FAM200B: variants seen among roughly 807,000 people sequenced by gnomAD.
FAM200B encodes protein FAM200B.
FAM200B carries 32 observed loss-of-function variants against 33.1 expected under a neutral mutation model. The ratio of observed to expected loss-of-function variants is 0.97; its 90% CI spans 0.73 to 1.30. The LOEUF (loss-of-function observed/expected upper bound fraction) is 1.30, where lower values mean the gene tolerates loss of function less well. Among genes scored for constraint, FAM200B ranks in the 50% most tolerant of loss-of-function variants. The pLI is 0.00. For synonymous variants in FAM200B, 240 were observed against 264.8 expected, an observed-to-expected ratio of 0.91 and a Z score of 0.91; for missense variants, 741 against 754.0, an observed-to-expected ratio of 0.98 and a Z score of 0.20.
chr4:15,681,463 G>A (rs529014701), upstream of FAM200B: 7 of 168,676 alleles, frequency 4.1e-5, no homozygotes, highest in South Asian at 1.2e-3. Flanking sequence ...TCGCTCCCAT[G>A]GCTCTGGGAC....
At chr4:15,669,559 T>C in the FAM200B span, among the ~76,000 whole-genome samples, 3 of 152,072 alleles carry the variant, frequency 2.0e-5, no homozygotes, top group Non-Finnish European at 4.4e-5. Flanking sequence ...TGATAAAAAA[T>C]TTCAAACAAA....
Position 15,690,095 on chromosome 4 carries a change from G to A in FAM200B, c.*1144G>A, listed in dbSNP as rs1719260232. 6.0e-6 allele frequency: 1 copy of A among 166,886 alleles called. No homozygotes were observed. The highest frequency in any genetic ancestry group is 6.5e-5 in the Admixed American group (1 of 15,272). The allele number at this position is 166,886 out of a possible 1,614,324, so 10.3% of individuals were successfully genotyped here. A position where few individuals can be genotyped will look rare whatever the true frequency, so the allele number is the denominator to read the frequency against. ...TCCCAAGAGTAATTATTAAATATGT[G>A]GCAAATTTCTTTGCCTTTTTACTTT... is the stretch of plus-strand genomic sequence containing the variant. On this transcript the variant is annotated 3_prime_UTR_variant, in exon 2 of 2. Transcript: ENST00000422728.
At chr4:15,682,533 C>T (rs1342165826) in intron 1 of FAM200B, among the ~76,000 whole-genome samples, 1 of 152,336 alleles carries the variant, frequency 6.6e-6, no homozygotes, top group East Asian at 1.9e-4. Context: ...TTTATGCAAT[C>T]TGTAATGTGT....
At chr4:15,640,797 C>A in the FAM200B span, 1 of 1,536,534 alleles carries the variant, frequency 6.5e-7, no homozygotes, top group African/African-American at 1.4e-5. Flanking sequence ...CCTCCTCTTC[C>A]TCTTTCATGT....
chr4:15,655,443 C>T, the FAM200B span: 1 of 976,234 alleles, frequency 1.0e-6, no homozygotes, highest in Non-Finnish European at 1.2e-6. Flanking sequence ...CGGGGGCGCG[C>T]AGGCCGCCGC....
In FAM200B at chr4:15,689,867, G is replaced by A. The variant is rs542434733; in HGVS notation, c.*916G>A. The A allele has an allele frequency of 7.3e-6, 1 of 137,642 alleles. No individual in the cohort carries two copies. Among genetic ancestry groups the A allele is most frequent in the South Asian group, 2.4e-4 (1 of 4,216 alleles). 8.5% of individuals were successfully genotyped at this position (137,642 alleles called of 1,614,324 possible). A position where few individuals can be genotyped will look rare whatever the true frequency, so the allele number is the denominator to read the frequency against. On this transcript the variant is annotated 3_prime_UTR_variant, in exon 2 of 2. Transcript: ENST00000422728. ...ATTCCTTTATTTCTTTGTTTTCCTT[G>A]TAGTATATAATTTGTAATAATTTTG...
chr4:15,656,786 A>G, the FAM200B span, among the ~76,000 whole-genome samples: 74 of 151,530 alleles, frequency 4.9e-4, no homozygotes, highest in African/African-American at 1.7e-3. Flanking sequence ...ATATATTTGA[A>G]GCACTTATAA....
At chr4:15,682,654 A>G (rs1718423422) in intron 1 of FAM200B, among the ~76,000 whole-genome samples, 1 of 152,200 alleles carries the variant, frequency 6.6e-6, no homozygotes, top group Admixed American at 6.5e-5. Context: ...TTATTTTAAT[A>G]TGTCACTGTT....
In FAM200B at chr4:15,685,702, A is replaced by G. The variant is rs151244696; in HGVS notation, c.-742-534A>G. On this transcript the variant is annotated intron_variant, in intron 1 of 1. Coordinates refer to ENST00000422728, the MANE Select transcript of FAM200B (RefSeq NM_001145191.2). Reference sequence around the variant, plus strand: ...ATTAATACAAACAGTCATAATAAAGATACAGTATTAACACAGTTAAGACGT... The same window carrying G: ...ATTAATACAAACAGTCATAATAAAGGTACAGTATTAACACAGTTAAGACGT... Among the ~76,000 whole-genome samples, 82 of 152,332 alleles carry G rather than the reference A, an allele frequency of 5.4e-4. No homozygotes were observed. The East Asian group carries it at 0.013, about 23-fold the overall frequency.
rs1719001702 is a variant in FAM200B at position 15,687,645 on chromosome 4, T to C, written c.668T>C (p.Ile223Thr). ...TMLITRLQSG[I>T]DFAIQLDEST... ...CTTATTACTCGTTTACAGTCTGGTATAGATTTTGCAATCCAGCTTGATGAA... is the reference window on the plus strand; with the variant it reads ...CTTATTACTCGTTTACAGTCTGGTACAGATTTTGCAATCCAGCTTGATGAA... The change falls in exon 2 of 2, where the codon ATA becomes ACA. Residue 223 changes from isoleucine (I) to threonine (T), a missense_variant. Physicochemically the swap from Ile to Thr is moderately conservative, Grantham distance 89. Transcript: ENST00000422728. 1 of 1,551,282 alleles carries C rather than the reference T, an allele frequency of 6.4e-7. No individual in the cohort carries two copies. The highest frequency in any genetic ancestry group is 8.7e-7 in the Non-Finnish European group (1 of 1,146,760).
upstream of FAM200B, among the ~76,000 whole-genome samples, chr4:15,677,430 G>A (rs745796852): frequency 1.3e-5 from 2 of 152,086 alleles, no homozygotes; most frequent in Non-Finnish European, 2.9e-5. Context: ...AGATAGAGAG[G>A]GACCCTAGGT....
the FAM200B span, among the ~76,000 whole-genome samples, chr4:15,658,826 G>C: frequency 6.6e-6 from 1 of 152,166 alleles, no homozygotes; most frequent in South Asian, 2.1e-4. Context: ...GGTAGAAGTG[G>C]CCCTTAAGTT....
the FAM200B span, among the ~76,000 whole-genome samples, chr4:15,650,112 G>C: frequency 6.6e-6 from 1 of 152,048 alleles, no homozygotes; most frequent in Non-Finnish European, 1.5e-5. Context: ...AGGCAGTTTT[G>C]GTTGTCACCA....
chr4:15,675,325 G>T, the FAM200B span, among the ~76,000 whole-genome samples: 1 of 152,226 alleles, frequency 6.6e-6, no homozygotes, highest in Admixed American at 6.5e-5. Context: ...ATATAAAAAT[G>T]AGGTGAATAA....
chr4:15,679,682 T>C (rs1279870285), upstream of FAM200B, among the ~76,000 whole-genome samples: 1 of 152,110 alleles, frequency 6.6e-6, no homozygotes, highest in Non-Finnish European at 1.5e-5. Context: ...TGTTTTATCA[T>C]TCTAACTCAT....
upstream of FAM200B, among the ~76,000 whole-genome samples, chr4:15,677,327 A>T (rs1472261448): frequency 6.6e-6 from 1 of 152,170 alleles, no homozygotes; most frequent in Non-Finnish European, 1.5e-5. Flanking sequence ...AACCCTTGGA[A>T]TTTCCTAATA....
chr4:15,687,201 G>A lies in FAM200B; in HGVS notation c.224G>A (p.Cys75Tyr). The A allele has an allele frequency of 6.5e-7, 1 of 1,538,462 alleles. No individual in the cohort carries two copies. The highest frequency in any genetic ancestry group is 8.8e-7 in the Non-Finnish European group (1 of 1,140,968). Residue 75 changes from cysteine (C) to tyrosine (Y), a missense_variant, in exon 2 of 2, where the codon TGT (cysteine) becomes TAT (tyrosine). By Grantham distance (194) the Cys-to-Tyr change is radical. Coordinates refer to ENST00000422728, the MANE Select transcript of FAM200B (RefSeq NM_001145191.2). ...TACTTAAAATATGGCTTTATCAAAT[G>A]TGAAAAACCCTTTGAAAATGACAGA... ...EDYLKYGFIK[C>Y]EKPFENDRPQ...
rs1718963914 is a variant in FAM200B at position 15,687,415 on chromosome 4, CTTA to C, written c.443_445del (p.Leu148del). On this transcript the variant is annotated inframe_deletion, in exon 2 of 2. Transcript: ENST00000422728. Reference sequence around the variant, plus strand: ...GTTCTACTGCTGTTAGTGAGAAAGCCTTATTATCATCATATTTAGTTGCATATC... The same window carrying C: ...GTTCTACTGCTGTTAGTGAGAAAGCCTTATCATCATATTTAGTTGCATATC... 1.3e-6 allele frequency: 2 copies of C among 1,550,114 alleles called. No homozygotes were observed. Among genetic ancestry groups the C allele is most frequent in the Non-Finnish European group, 1.7e-6 (2 of 1,145,936 alleles).
chr4:15,686,603 C>G lies in FAM200B; in HGVS notation c.-375C>G, dbSNP rs961259391. 1 of 155,898 alleles carries G rather than the reference C, an allele frequency of 6.4e-6. No homozygotes were observed. Among genetic ancestry groups the G allele is most frequent in the African/African-American group, 2.4e-5 (1 of 41,542 alleles). 9.7% of individuals were successfully genotyped at this position (155,898 alleles called of 1,614,324 possible). A position where few individuals can be genotyped will look rare whatever the true frequency, so the allele number is the denominator to read the frequency against. On this transcript the variant is annotated 5_prime_UTR_variant, in exon 2 of 2. Transcript: ENST00000422728. ...AAAAACAAAATAAAATGTAAAATAC[C>G]AAAGTGTTTTGCATGAATCCTTTGC...
Sources: gnomAD v4.1 joint callset for allele counts (sites outside exome capture counted in the v4.1 genomes callset) on GRCh38, gnomAD v4.1.1 for gene constraint, MANE v1.5 for transcripts, NCBI Gene and HGNC (gene_info 2026-07-23, HGNC 2026-07-21) for gene names.